CPEB3: variants seen among roughly 807,000 people sequenced by gnomAD.
CPEB3 encodes the protein cytoplasmic polyadenylation element binding protein 3, also known as cytoplasmic polyadenylation element-binding protein 3.
CPEB3 carries 20 observed loss-of-function variants against 67.2 expected under a neutral mutation model. The observed-to-expected ratio is 0.30, with a 90% CI of 0.21 to 0.43. The LOEUF is 0.43. Ranked by LOEUF, CPEB3 falls within the 20% of genes least tolerant of loss-of-function variation. The probability of loss-of-function intolerance (pLI) is 1.00; values close to 1 mark genes in which losing one functional copy is unlikely to be tolerated. For missense variants in CPEB3, 746 were observed against 968.6 expected (o/e 0.77, Z 3.05); for synonymous variants, 376 against 393.1 (o/e 0.96, Z 0.51).
intron 1 of CPEB3, among the ~76,000 whole-genome samples, chr10:92,263,889 G>GT (rs1852921519): frequency 6.6e-6 from 1 of 152,044 alleles, no homozygotes; most frequent in African/African-American, 2.4e-5. Context: ...TGGTGATGAT[G>GT]TTTATACTAA....
At chr10:92,104,609 G>C (rs7900237) in intron 7 of CPEB3, among the ~76,000 whole-genome samples, 2 of 151,648 alleles carry the variant, frequency 1.3e-5, no homozygotes, top group South Asian at 4.2e-4. Flanking sequence ...GGACGGTCTC[G>C]ATCTCCTGAC....
At chr10:92,213,985 C>T (rs1564873670) in intron 2 of CPEB3, among the ~76,000 whole-genome samples, 1 of 152,162 alleles carries the variant, frequency 6.6e-6, no homozygotes, top group Non-Finnish European at 1.5e-5. Flanking sequence ...GAAAACCATA[C>T]ATATGACTCA....
chr10:92,137,520 G>T, intron 6 of CPEB3: 1 of 898,708 alleles, frequency 1.1e-6, no homozygotes, highest in South Asian at 1.3e-5. Context: ...TGCTTGAGGT[G>T]ACCAAGAAGT....
intron 9 of CPEB3, among the ~76,000 whole-genome samples, chr10:92,058,592 C>CATACATACATATAT (rs534976355): frequency 2.1e-5 from 3 of 140,388 alleles, no homozygotes; most frequent in Admixed American, 6.9e-5. Context: ...TACATACATA[C>CATACATACATATAT]ATATATATAT....
At chr10:92,180,190 T>C (rs1171273187) in intron 4 of CPEB3, among the ~76,000 whole-genome samples, 1 of 144,676 alleles carries the variant, frequency 6.9e-6, no homozygotes, top group Non-Finnish European at 1.6e-5. Flanking sequence ...ATAATGACTT[T>C]CCAGTTAGTA....
chr10:92,053,021 C>T (rs1841958969), intron 9 of CPEB3, among the ~76,000 whole-genome samples: 1 of 152,172 alleles, frequency 6.6e-6, no homozygotes, highest in South Asian at 2.1e-4. Context: ...AGGCTGTGCA[C>T]CTCAGTGTCG....
rs890012350 is a variant in CPEB3 at position 92,048,239 on chromosome 10, G to T, written c.*3973C>A. ...GCAGGTGAGGTCTGCAGTACACCAC[G>T]AAAGCCGTGTCCTCTTAGCAACTTC... On this transcript the variant is annotated 3_prime_UTR_variant, in exon 10 of 10. Coordinates refer to ENST00000265997, the MANE Select transcript of CPEB3 (RefSeq NM_014912.5). This position sits in a 1 kb window ranked among gnomAD's most constrained non-coding sequence, Gnocchi z 4.1. 4 of 152,188 alleles carry T rather than the reference G, an allele frequency of 2.6e-5. No homozygotes were observed. Among genetic ancestry groups the T allele is most frequent in the African/African-American group, 9.7e-5 (4 of 41,408 alleles). The allele number at this position is 152,188 out of a possible 1,614,324, so 9.4% of individuals were successfully genotyped here.
intron 1 of CPEB3, among the ~76,000 whole-genome samples, chr10:92,278,677 T>A (rs960854568): frequency 6.6e-6 from 1 of 150,784 alleles, no homozygotes; most frequent in Non-Finnish European, 1.5e-5. Context: ...CTTGGCTCAC[T>A]GTAACCTCCA....
chr10:92,120,889 C>T (rs908328102), intron 6 of CPEB3, among the ~76,000 whole-genome samples: 14 of 151,786 alleles, frequency 9.2e-5, no homozygotes, highest in Non-Finnish European at 1.6e-4. Flanking sequence ...TTAGTAGAGA[C>T]GGGGTTTTGC....
intron 2 of CPEB3, among the ~76,000 whole-genome samples, chr10:92,227,687 G>A (rs918571160): frequency 6.7e-6 from 1 of 150,004 alleles, no homozygotes; most frequent in African/African-American, 2.5e-5. Context: ...GCCCCCCGGG[G>A]TTCACGCCAT....
intron 4 of CPEB3, among the ~76,000 whole-genome samples, chr10:92,148,833 A>C (rs1332949364): frequency 6.6e-6 from 1 of 151,974 alleles, no homozygotes; most frequent in Non-Finnish European, 1.5e-5. Context: ...GTCAGGCATT[A>C]ATGTTCTATA....
chr10:92,154,969 C>T (rs989548205), intron 4 of CPEB3, among the ~76,000 whole-genome samples: 3 of 152,162 alleles, frequency 2.0e-5, no homozygotes, highest in Admixed American at 6.5e-5. Context: ...AATCCCAGCA[C>T]GTTGGGAGAT....
chr10:92,258,647 T>C lies in CPEB3; in HGVS notation c.-11-18286A>G, dbSNP rs1159246887. 7.8e-4 allele frequency among the ~76,000 whole-genome samples: 28 copies of C among 35,722 alleles called. 1 individual carries two copies. In the East Asian group the frequency reaches 8.9e-3, roughly 11 times the overall value. 23.4% of individuals were successfully genotyped at this position (35,722 alleles called of 152,430 possible). On this transcript the variant is annotated intron_variant, in intron 1 of 9. Coordinates refer to ENST00000265997, the MANE Select transcript of CPEB3 (RefSeq NM_014912.5). ...TTGAATATATATATATATATATATA[T>C]ATATATATATATATATATATATATA... is the stretch of plus-strand genomic sequence containing the variant.
At chr10:92,193,906 C>T (rs1246507422) in intron 2 of CPEB3, among the ~76,000 whole-genome samples, 2 of 151,266 alleles carry the variant, frequency 1.3e-5, no homozygotes, top group Non-Finnish European at 2.9e-5. Context: ...ACGCCATTCT[C>T]CTGCCTCAGC....
intron 4 of CPEB3, 114 bp from the exon 5 acceptor site, chr10:92,145,199 C>T: frequency 1.7e-6 from 2 of 1,181,234 alleles, no homozygotes; most frequent in Non-Finnish European, 2.4e-6. Flanking sequence ...CAGAGAGAAG[C>T]ATACAAAAAA....
intron 6 of CPEB3, among the ~76,000 whole-genome samples, chr10:92,116,140 C>T (rs1845013982): frequency 6.6e-6 from 1 of 150,458 alleles, no homozygotes; most frequent in Non-Finnish European, 1.5e-5. Flanking sequence ...GGAACAAGGC[C>T]CTGTAGCAGA....
intron 9 of CPEB3, among the ~76,000 whole-genome samples, chr10:92,058,220 G>A (rs890251961): frequency 1.6e-4 from 24 of 152,068 alleles, no homozygotes; most frequent in African/African-American, 5.8e-4. Flanking sequence ...ATGATAAAGG[G>A]CTCACTTCAA....
chr10:92,142,015 C>T (rs1237457444), intron 6 of CPEB3, among the ~76,000 whole-genome samples: 6 of 137,056 alleles, frequency 4.4e-5, no homozygotes, highest in African/African-American at 1.6e-4. Context: ...GAGACTCCGT[C>T]TCAAAAAAAA....
At chr10:92,085,900 G>A (rs1372878444) in intron 8 of CPEB3, among the ~76,000 whole-genome samples, 5 of 151,934 alleles carry the variant, frequency 3.3e-5, no homozygotes, top group African/African-American at 7.3e-5. Context: ...GTGAGCCACC[G>A]TGCTTGGCCT....
Sources: allele counts gnomAD v4.1 joint callset (sites outside exome capture counted in the v4.1 genomes callset), GRCh38; gene constraint gnomAD v4.1.1; non-coding constraint Gnocchi (gnomAD v3.1); transcripts MANE v1.5; gene names NCBI Gene and HGNC (gene_info 2026-07-23, HGNC 2026-07-21).